LUZP2: variants seen among roughly 807,000 people sequenced by gnomAD.
The protein encoded by LUZP2 is leucine zipper protein 2.
A neutral mutation model predicts 51.6 loss-of-function variants in LUZP2; 52 were observed. That is an observed-to-expected ratio of 1.01 (90% CI 0.81 to 1.27). The LOEUF (loss-of-function observed/expected upper bound fraction) is 1.27. Ranked by LOEUF, LUZP2 falls within the 50% of genes most tolerant of loss-of-function variation. LUZP2 has a pLI of 0.00. For missense variants in LUZP2, 436 were observed against 395.4 expected (o/e 1.10, Z -0.87); for synonymous variants, 154 against 137.3 (o/e 1.12, Z -0.85).
chr11:25,005,788 T>C (rs1856815966), intron 9 of LUZP2, among the ~76,000 whole-genome samples: 1 of 152,124 alleles, frequency 6.6e-6, no homozygotes, highest in South Asian at 2.1e-4. Context: ...CTCGAAAACC[T>C]GTACCCTGTC....
rs138469251 is a variant in LUZP2, at chr11:24,859,222, C to T, written c.397-46769C>T. Among the ~76,000 whole-genome samples, 652 of 152,180 alleles carry T rather than the reference C, an allele frequency of 4.3e-3. 4 individuals carry two copies. Among genetic ancestry groups the T allele is most frequent in the African/African-American group, 0.015 (626 of 41,520 alleles). ...CATCTTATTTTATTAATTCAAATTA[C>T]AATTTAAATTTTAATAAGTTCATTA... is the stretch of plus-strand genomic sequence containing the variant. On this transcript the variant is annotated intron_variant, in intron 5 of 11. Coordinates refer to ENST00000336930, the MANE Select transcript of LUZP2 (RefSeq NM_001009909.4).
intron 1 of LUZP2, among the ~76,000 whole-genome samples, chr11:24,534,946 G>A (rs1286607561): frequency 6.6e-6 from 1 of 151,302 alleles, no homozygotes; most frequent in African/African-American, 2.4e-5. Context: ...ATAGAGGCCT[G>A]TCTTGGAGAT....
rs1859456981 is a variant in LUZP2, at chr11:25,081,412, T to C, written c.*2754T>C. On this transcript the variant is annotated 3_prime_UTR_variant, in exon 12 of 12. Coordinates refer to ENST00000336930, the MANE Select transcript of LUZP2 (RefSeq NM_001009909.4). ...TTACTGTGTTATACTCATTGCATCA[T>C]TTGTTTAAAAAAAAAAAAGAAACTT... 6.6e-6 allele frequency: 1 copy of C among 151,646 alleles called. No homozygotes were observed. The highest frequency in any genetic ancestry group is 6.6e-5 in the Admixed American group (1 of 15,208). The allele number at this position is 151,646 out of a possible 1,614,324, so 9.4% of individuals were successfully genotyped here. A position where few individuals can be genotyped will look rare whatever the true frequency, so the allele number is the denominator to read the frequency against.
At chr11:24,716,562 T>A (rs1296556097) in intron 1 of LUZP2, among the ~76,000 whole-genome samples, 1 of 152,122 alleles carries the variant, frequency 6.6e-6, no homozygotes, top group Non-Finnish European at 1.5e-5. Flanking sequence ...TCAACACTTC[T>A]GCCAGTCCAA....
intron 1 of LUZP2, among the ~76,000 whole-genome samples, chr11:24,689,820 A>C (rs1857014040): frequency 6.6e-6 from 1 of 152,058 alleles, no homozygotes; most frequent in African/African-American, 2.4e-5. Context: ...CCTTTTTCAT[A>C]ACGCTTTCCA....
intron 7 of LUZP2, among the ~76,000 whole-genome samples, chr11:24,952,348 G>A (rs11028293): frequency 0.083 from 12,556 of 151,652 alleles, 1,718 homozygotes; most frequent in African/African-American, 0.28. Flanking sequence ...TAATTTATTA[G>A]TAAACAAAAG....
intron 9 of LUZP2, among the ~76,000 whole-genome samples, chr11:25,013,190 G>A (rs1478800563): frequency 7.9e-5 from 12 of 152,112 alleles, no homozygotes; most frequent in Non-Finnish European, 1.6e-4. Flanking sequence ...GGGAAGTAGA[G>A]CGTGGACAGA....
In LUZP2 at chr11:24,711,405, G is replaced by C. The variant is rs988786518; in HGVS notation, c.63-17764G>C. ...GCGGAGCTTGCAGTGAGCCGAGATG[G>C]TGTCACTGCACTCCAGCCTGGGCGA... On this transcript the variant is annotated intron_variant, in intron 1 of 11. Transcript: ENST00000336930. Among the ~76,000 whole-genome samples, 180 of 152,050 alleles carry C rather than the reference G, an allele frequency of 1.2e-3. 1 individual carries two copies. Among genetic ancestry groups the C allele is most frequent in the Admixed American group, 1.4e-3 (21 of 15,270 alleles).
chr11:24,754,351 G>T (rs1334781803), intron 4 of LUZP2, among the ~76,000 whole-genome samples: 1 of 151,912 alleles, frequency 6.6e-6, no homozygotes, highest in Non-Finnish European at 1.5e-5. Flanking sequence ...TCACCTTTCT[G>T]GGATGAGTTC....
rs927698678 is a variant in LUZP2, at chr11:24,761,936, T to TG, written c.334-1303dup. ...ATGTAAGTTCAGTATAGTGGTTACC[T>TG]GGGGGGGTGGGGGTGAAGAAAGGAA... On this transcript the variant is annotated intron_variant, in intron 4 of 11. Transcript: ENST00000336930. 3.3e-5 allele frequency among the ~76,000 whole-genome samples: 5 copies of TG among 149,454 alleles called. No individual in the cohort carries two copies. The East Asian group carries it at 5.9e-4, about 18-fold the overall frequency.
At chr11:24,949,069 C>T (rs939888984) in intron 7 of LUZP2, among the ~76,000 whole-genome samples, 2 of 151,392 alleles carry the variant, frequency 1.3e-5, no homozygotes, top group African/African-American at 4.8e-5. Flanking sequence ...GCTGTATTTC[C>T]AGGGTGAATC....
intron 5 of LUZP2, among the ~76,000 whole-genome samples, chr11:24,894,159 T>C (rs1852952376): frequency 6.7e-6 from 1 of 149,876 alleles, no homozygotes; most frequent in African/African-American, 2.4e-5. Flanking sequence ...TTAACGAATC[T>C]TTTCTAAAGT....
rs188931444 is a variant in LUZP2 at position 24,576,114 on chromosome 11, C to A, written c.62+78809C>A. On this transcript the variant is annotated intron_variant, in intron 1 of 11. Coordinates refer to ENST00000336930, the MANE Select transcript of LUZP2 (RefSeq NM_001009909.4). ...GGTTTAATTCCTCTATTACATTTTTCTAATTTAAAAAATGGACACCTGGCA... is the reference window on the plus strand; with the variant it reads ...GGTTTAATTCCTCTATTACATTTTTATAATTTAAAAAATGGACACCTGGCA... Among the ~76,000 whole-genome samples, 12 of 152,074 alleles carry A rather than the reference C, an allele frequency of 7.9e-5. No individual in the cohort carries two copies. The East Asian group carries it at 2.3e-3, about 29-fold the overall frequency.
chr11:24,526,456 TC>T (rs1310272104), intron 1 of LUZP2, among the ~76,000 whole-genome samples: 7 of 27,518 alleles, frequency 2.5e-4, no homozygotes, highest in African/African-American at 4.7e-4. Flanking sequence ...TACTCTCTAC[TC>T]TTTTTTTTTT....
At chr11:24,941,959 A>G (rs1248687213) in intron 7 of LUZP2, among the ~76,000 whole-genome samples, 1 of 151,736 alleles carries the variant, frequency 6.6e-6, no homozygotes, top group Non-Finnish European at 1.5e-5. Flanking sequence ...TTCTTTTACT[A>G]TTGTTTTGCC....
At chr11:24,728,215 G>T (rs2133964417) in intron 1 of LUZP2, among the ~76,000 whole-genome samples, 1 of 151,970 alleles carries the variant, frequency 6.6e-6, no homozygotes. Context: ...TCAGTGAAGG[G>T]CTGTGTCCAA....
intron 5 of LUZP2, among the ~76,000 whole-genome samples, chr11:24,886,459 C>A (rs980139200): frequency 1.3e-5 from 2 of 152,080 alleles, no homozygotes; most frequent in African/African-American, 4.8e-5. Context: ...ATACTAATGC[C>A]ATATATGTGT....
chr11:25,067,128 T>C (rs531457852), intron 10 of LUZP2, among the ~76,000 whole-genome samples: 7 of 152,158 alleles, frequency 4.6e-5, no homozygotes, highest in Admixed American at 4.6e-4. Flanking sequence ...TATACTCTGA[T>C]TACATGTAGT....
At chr11:25,005,300 A>G (rs1856803814) in intron 9 of LUZP2, among the ~76,000 whole-genome samples, 1 of 152,128 alleles carries the variant, frequency 6.6e-6, no homozygotes, top group Admixed American at 6.5e-5. Flanking sequence ...TGAGATGTAA[A>G]TTGCAAGCTT....
Sources: gnomAD v4.1 joint callset for allele counts (sites outside exome capture counted in the v4.1 genomes callset) on GRCh38, gnomAD v4.1.1 for gene constraint, MANE v1.5 for transcripts, NCBI Gene and HGNC (gene_info 2026-07-23, HGNC 2026-07-21) for gene names.